USO1: variants seen among roughly 807,000 people sequenced by gnomAD.
USO1 encodes the protein USO1 vesicle transport factor, also known as general vesicular transport factor p115.
In USO1, 57 loss-of-function variants were observed where a neutral mutation model predicts 124.5. The observed-to-expected ratio is 0.46, with a 90% CI of 0.37 to 0.57. USO1 has a LOEUF of 0.57. Ranked by LOEUF, USO1 falls within the 20% of genes least tolerant of loss-of-function variation. The pLI is 0.00. For synonymous variants in USO1, 369 were observed against 362.8 expected, an observed-to-expected ratio of 1.02 and a Z score of -0.19; for missense variants, 900 against 1,040.6, an observed-to-expected ratio of 0.86 and a Z score of 1.86.
chr4:75,762,441 C>T (rs977807945), intron 4 of USO1, among the ~76,000 whole-genome samples: 1 of 151,614 alleles, frequency 6.6e-6, no homozygotes. Context: ...GGATTACAGG[C>T]ATGAGCCACC....
intron 17 of USO1, among the ~76,000 whole-genome samples, chr4:75,803,469 G>A (rs2149191814): frequency 1.3e-5 from 2 of 151,968 alleles, no homozygotes; most frequent in Non-Finnish European, 2.9e-5. Flanking sequence ...CCAACATGGT[G>A]AAACCCCATC....
At position 75,771,310 on chromosome 4, in the gene USO1, G is replaced by A. The variant is rs114368632; in HGVS notation, c.555+173G>A. ...GATGGGGGTCTCTCTATGTTGCCCA[G>A]GTTGGTCTTGAATTTCTGGGCTCAA... is the stretch of plus-strand genomic sequence containing the variant. On this transcript the variant is annotated intron_variant, in intron 7 of 23. Transcript: ENST00000514213. 5.3e-3 allele frequency among the ~76,000 whole-genome samples: 801 copies of A among 152,230 alleles called. 11 individuals are homozygous for A. The highest frequency in any genetic ancestry group is 0.018 in the African/African-American group (761 of 41,524).
rs324726 is a variant in USO1 at position 75,801,200 on chromosome 4, G to A, written c.1986G>A (p.Gln662=). Residue 662 remains glutamine, a splice_region_variant and synonymous_variant, in exon 17 of 24, where the codon CAG becomes CAA. Coordinates refer to ENST00000514213, the MANE Select transcript of USO1 (RefSeq NM_003715.4). Reference sequence around the variant, plus strand: ...ACTACAAAAATATGATTCGAGAGCAGGTAAGTACTAATGAACTGTATATAC... The same window carrying A: ...ACTACAAAAATATGATTCGAGAGCAAGTAAGTACTAATGAACTGTATATAC... ...VTHYKNMIRE[Q]DLQLEELRQQ... 1,157,515 of 1,603,038 alleles carry A rather than the reference G, an allele frequency of 0.72. 424,210 individuals carry two copies. The highest frequency in any genetic ancestry group is 0.9 in the East Asian group (40,284 of 44,632).
chr4:75,730,724 A>G (rs1720607125), intron 1 of USO1, among the ~76,000 whole-genome samples: 1 of 152,016 alleles, frequency 6.6e-6, no homozygotes, highest in African/African-American at 2.4e-5. Flanking sequence ...TGTTGTAGGT[A>G]TAGTAAAGTT....
intron 1 of USO1, among the ~76,000 whole-genome samples, chr4:75,747,060 C>T (rs904417016): frequency 6.6e-6 from 1 of 152,056 alleles, no homozygotes; most frequent in Non-Finnish European, 1.5e-5. Context: ...CATTTAATAT[C>T]TAAGACATCC....
chr4:75,779,136 A>C (rs1029164993), intron 8 of USO1, among the ~76,000 whole-genome samples: 3 of 152,116 alleles, frequency 2.0e-5, no homozygotes, highest in Non-Finnish European at 4.4e-5. Context: ...TTAAGCAAAA[A>C]TGTTTTATGC....
At chr4:75,758,942 T>C (rs1375006198) in intron 4 of USO1, among the ~76,000 whole-genome samples, 1 of 152,180 alleles carries the variant, frequency 6.6e-6, no homozygotes, top group Non-Finnish European at 1.5e-5. Flanking sequence ...GAAAATTAGA[T>C]GCAACGCAGT....
intron 3 of USO1, among the ~76,000 whole-genome samples, chr4:75,752,817 C>T (rs1028451816): frequency 9.9e-5 from 15 of 152,194 alleles, no homozygotes; most frequent in African/African-American, 3.1e-4. Context: ...TGAGCCACTG[C>T]GCCTGGCCCT....
intron 17 of USO1, among the ~76,000 whole-genome samples, chr4:75,802,736 C>CTTTTTTTTTTTTTT (rs997798305): frequency 9.4e-5 from 6 of 63,738 alleles, no homozygotes; most frequent in African/African-American, 2.6e-4. Flanking sequence ...TTTTTCTTTT[C>CTTTTTTTTTTTTTT]TTTTTTTTTT....
At chr4:75,800,945 T>A in intron 16 of USO1, 134 bp from the exon 17 acceptor site, 1 of 1,398,698 alleles carries the variant, frequency 7.1e-7, no homozygotes, top group Non-Finnish European at 9.5e-7. Flanking sequence ...TTGAAGGACA[T>A]TTGGCTTTCA....
intron 1 of USO1, among the ~76,000 whole-genome samples, chr4:75,737,301 G>C (rs1217900294): frequency 6.6e-6 from 1 of 152,208 alleles, no homozygotes; most frequent in African/African-American, 2.4e-5. Context: ...CATTAGGACA[G>C]AGTTAGCACA....
At chr4:75,735,410 C>T (rs145492384) in intron 1 of USO1, among the ~76,000 whole-genome samples, 125 of 152,250 alleles carry the variant, frequency 8.2e-4, no homozygotes, top group African/African-American at 2.6e-3. Flanking sequence ...TTTTCCTATT[C>T]GGATGTCAAT....
At chr4:75,777,101 A>G (rs1212747437) in intron 8 of USO1, among the ~76,000 whole-genome samples, 1 of 152,142 alleles carries the variant, frequency 6.6e-6, no homozygotes, top group African/African-American at 2.4e-5. Flanking sequence ...TTACTTTTCT[A>G]TCTTTTAGAA....
chr4:75,806,958 A>G (rs1312436259), intron 20 of USO1, among the ~76,000 whole-genome samples: 3 of 152,136 alleles, frequency 2.0e-5, no homozygotes, highest in African/African-American at 7.2e-5. Flanking sequence ...TTGTCTAGAA[A>G]ATATAGAATT....
intron 11 of USO1, 43 bp from the exon 12 acceptor site, chr4:75,790,600 G>T: frequency 1.3e-6 from 2 of 1,575,776 alleles, no homozygotes; most frequent in Non-Finnish European, 1.7e-6. Flanking sequence ...GTATACTTGG[G>T]TTGCAATGTT....
intron 6 of USO1, 72 bp from the exon 7 acceptor site, chr4:75,771,010 A>G (rs1721912414): frequency 6.3e-7 from 1 of 1,597,392 alleles, no homozygotes; most frequent in Admixed American, 1.8e-5. Flanking sequence ...TGTGTTAGTA[A>G]ATTGTTAATA....
At chr4:75,741,482 T>G (rs1325945894) in intron 1 of USO1, among the ~76,000 whole-genome samples, 1 of 152,120 alleles carries the variant, frequency 6.6e-6, no homozygotes, top group African/African-American at 2.4e-5. Flanking sequence ...AGTTTTAAAC[T>G]TTTTTTAAAG....
At chr4:75,805,375 T>TC (rs375244625) in intron 19 of USO1, 72 bp downstream of exon 19, 17,021 of 1,309,878 alleles carry the variant, frequency 0.013, 1 homozygote, top group East Asian at 0.031. Context: ...TTTTTTTTTT[T>TC]CCTTGGATCT....
chr4:75,779,119 G>A (rs1043290820), intron 8 of USO1, among the ~76,000 whole-genome samples: 1 of 152,014 alleles, frequency 6.6e-6, no homozygotes, highest in African/African-American at 2.4e-5. Context: ...CATATAAGAG[G>A]GCAAACTTAA....
Sources: gnomAD v4.1 joint callset for allele counts (sites outside exome capture counted in the v4.1 genomes callset) on GRCh38, gnomAD v4.1.1 for gene constraint, MANE v1.5 for transcripts, NCBI Gene and HGNC (gene_info 2026-07-23, HGNC 2026-07-21) for gene names.